RET: variants seen among roughly 807,000 people sequenced by gnomAD.
RET encodes the protein ret proto-oncogene.
In RET, 19 loss-of-function variants were observed where a neutral mutation model predicts 118.3. The ratio of observed to expected loss-of-function variants is 0.16; its 90% CI spans 0.11 to 0.24. The LOEUF is 0.24. Ranked by LOEUF, RET falls within the 10% of genes least tolerant of loss-of-function variation. RET has a pLI of 1.00. For synonymous variants in RET, 597 were observed against 644.1 expected (o/e 0.93, Z 1.11); for missense variants, 1,219 against 1,502.1 (o/e 0.81, Z 3.12).
At chr10:43,113,994 G>C (rs1257180679) in intron 10 of RET, among the ~76,000 whole-genome samples, 1 of 152,218 alleles carries the variant, frequency 6.6e-6, no homozygotes, top group Admixed American at 6.5e-5. Flanking sequence ...AGGTCAGCAG[G>C]TATGGTGGGT....
rs529123820 is a variant in RET, at chr10:43,079,601, C to T, written c.73+2270C>T. The stretch of plus-strand genomic sequence containing the variant: ...CCTGCACCTCAACCTCCCACAGCTC[C>T]TCAGCAAGCCTCTTGTCTCTTGTCT... On this transcript the variant is annotated intron_variant, in intron 1 of 19. Coordinates refer to ENST00000355710, the MANE Select transcript of RET (RefSeq NM_020975.6). Among the ~76,000 whole-genome samples the T allele has an allele frequency of 5.3e-5, 8 of 152,340 alleles. No individual in the cohort carries two copies. The South Asian group carries it at 1.7e-3, about 32-fold the overall frequency.
rs375414982 is a variant in RET at position 43,123,800 on chromosome 10, C to G, written c.2931C>G (p.Ser977Arg). Residue 977 changes from serine to arginine, a missense_variant, in exon 17 of 20, where the codon AGC (serine) becomes AGG (arginine). Around this residue, in one of 5 missense-constraint regions of RET, gnomAD observed 174 missense variants for 179.3 expected, o/e 0.97. Transcript: ENST00000355710. ...GGATGGAGAGGCCAGACAACTGCAGCGAGGAGATGTGAGCGGGGACTGGCT... is the reference window on the plus strand; with the variant it reads ...GGATGGAGAGGCCAGACAACTGCAGGGAGGAGATGTGAGCGGGGACTGGCT... ...GHRMERPDNC[S>R]EEMYRLMLQC... is the part of the protein sequence containing the mutation. 2.3e-5 allele frequency: 37 copies of G among 1,613,906 alleles called. No individual in the cohort carries two copies. Among genetic ancestry groups the G allele is most frequent in the Non-Finnish European group, 2.8e-5 (33 of 1,180,032 alleles).
At chr10:43,077,437 G>A in intron 1 of RET, 106 bp downstream of exon 1, 4 of 1,335,466 alleles carry the variant, frequency 3.0e-6, no homozygotes, top group Admixed American at 3.2e-5. Flanking sequence ...GTGGGCAGCG[G>A]GCTGTGCGGT....
At chr10:43,080,856 G>T (rs572347090) in intron 1 of RET, among the ~76,000 whole-genome samples, 13 of 152,374 alleles carry the variant, frequency 8.5e-5, no homozygotes, top group East Asian at 1.9e-4. Flanking sequence ...TGCTGCCAGT[G>T]GCGGTGCAGA....
intron 11 of RET, 21 bp from the exon 12 acceptor site, chr10:43,116,563 C>T (rs1232905008): frequency 1.2e-6 from 2 of 1,613,760 alleles, no homozygotes; most frequent in East Asian, 4.5e-5. Context: ...TCTTCTCCCC[C>T]TTCCCTCATT....
intron 12 of RET, 112 bp from the exon 13 acceptor site, chr10:43,118,261 G>A (rs1564497962): frequency 1.2e-6 from 1 of 813,800 alleles, no homozygotes; most frequent in African/African-American, 1.7e-5. Context: ...GTCTTTGCAG[G>A]CCTCTCTGTC....
In RET at chr10:43,114,856, G is replaced by A. The variant is rs756878370; in HGVS notation, c.2136+120G>A. On this transcript the variant is annotated intron_variant, in intron 11 of 19. Transcript: ENST00000355710. This position sits in a 1 kb window ranked among gnomAD's most constrained non-coding sequence, Gnocchi z 4.6. ...GGGGCTGCCAACGCTGGGCAGACGA[G>A]GCCTGTGTTCTGCCCCCATTTCCAT... The A allele has an allele frequency of 2.7e-6, 3 of 1,121,092 alleles. No individual in the cohort carries two copies. Among genetic ancestry groups the A allele is most frequent in the South Asian group, 1.6e-5 (1 of 64,342 alleles). The allele number at this position is 1,121,092 out of a possible 1,614,324, so 69.4% of individuals were successfully genotyped here.
chr10:43,099,953 G>C (rs1837601163), intron 1 of RET, among the ~76,000 whole-genome samples: 1 of 152,214 alleles, frequency 6.6e-6, no homozygotes, highest in Admixed American at 6.5e-5. Flanking sequence ...CTTGACTTCT[G>C]TGAATCATCC....
intron 1 of RET, among the ~76,000 whole-genome samples, chr10:43,079,917 C>G (rs933493131): frequency 4.6e-5 from 7 of 152,222 alleles, no homozygotes; most frequent in African/African-American, 1.7e-4. Context: ...TCACCTGGGC[C>G]TGGCTTGCTT....
chr10:43,099,436 G>C (rs372179674), intron 1 of RET, among the ~76,000 whole-genome samples: 1 of 151,926 alleles, frequency 6.6e-6, no homozygotes, highest in Admixed American at 6.6e-5. Context: ...GCTTGAACCC[G>C]GGAGGTGGAA....
At chr10:43,100,829 C>A in intron 2 of RET, 107 bp downstream of exon 2, 2 of 1,276,848 alleles carry the variant, frequency 1.6e-6, no homozygotes, top group Non-Finnish European at 1.1e-6. Flanking sequence ...TCCCCCCCAC[C>A]GCTGGTGTGG....
chr10:43,106,067 TCTGGGGAC>T lies in RET; in HGVS notation c.868-304_868-297del, dbSNP rs1314283804. On this transcript the variant is annotated intron_variant, in intron 4 of 19. Coordinates refer to ENST00000355710, the MANE Select transcript of RET (RefSeq NM_020975.6). This position sits in a 1 kb window ranked among gnomAD's most constrained non-coding sequence, Gnocchi z 5.1. ...GAGAGTGGAGGTGCTCATCCTGCTC[TCTGGGGAC>T]CTGGATGGGACCTGCCAGCAGGGTG... 1.3e-5 allele frequency among the ~76,000 whole-genome samples: 2 copies of T among 152,090 alleles called. No homozygotes were observed. The highest frequency in any genetic ancestry group is 1.3e-4 in the Admixed American group (2 of 15,286).
At chr10:43,100,862 G>T in intron 2 of RET, 140 bp downstream of exon 2, 2 of 923,838 alleles carry the variant, frequency 2.2e-6, no homozygotes, top group Non-Finnish European at 3.4e-6. Context: ...GTTAAGTGAG[G>T]CTGGCCTGCC....
chr10:43,099,761 G>C (rs1199574046), intron 1 of RET, among the ~76,000 whole-genome samples: 1 of 152,174 alleles, frequency 6.6e-6, no homozygotes, highest in Non-Finnish European at 1.5e-5. Flanking sequence ...CATCCGTCCA[G>C]AATCATGCCA....
rs1029548546 is a variant in RET at position 43,106,624 on chromosome 10, C to T, written c.1063+53C>T. On this transcript the variant is annotated intron_variant, in intron 5 of 19. Coordinates refer to ENST00000355710, the MANE Select transcript of RET (RefSeq NM_020975.6). This position sits in a 1 kb window ranked among gnomAD's most constrained non-coding sequence, Gnocchi z 5.1. ...CTAGGCCCCCAGGAAATGAGGTGCT[C>T]GCTCTTCATGGGCAAGCAGCACCCT... is the stretch of plus-strand genomic sequence containing the variant. 3.2e-5 allele frequency: 50 copies of T among 1,565,516 alleles called. No homozygotes were observed. Among genetic ancestry groups the T allele is most frequent in the South Asian group, 6.8e-5 (6 of 87,814 alleles).
At chr10:43,085,388 A>G (rs143403834) in intron 1 of RET, among the ~76,000 whole-genome samples, 3 of 152,286 alleles carry the variant, frequency 2.0e-5, no homozygotes, top group African/African-American at 7.2e-5. Context: ...CCTTTGGACT[A>G]GGCCTTTGTC....
chr10:43,106,857 G>A lies in RET; in HGVS notation c.1063+286G>A, dbSNP rs998006451. Among the ~76,000 whole-genome samples, 2 of 152,164 alleles carry A rather than the reference G, an allele frequency of 1.3e-5. No homozygotes were observed. The highest frequency in any genetic ancestry group is 2.9e-5 in the Non-Finnish European group (2 of 68,022). On this transcript the variant is annotated intron_variant, in intron 5 of 19. Coordinates refer to ENST00000355710, the MANE Select transcript of RET (RefSeq NM_020975.6). The surrounding 1 kb of genome is among the most constrained non-coding windows in gnomAD (Gnocchi z 5.1). ...GCTGACCTCACCAGGGCTCACCACC[G>A]ACTGCAAACACACATGTCACCTGAG... is the stretch of plus-strand genomic sequence containing the variant.
At chr10:43,095,426 G>T (rs1837501430) in intron 1 of RET, among the ~76,000 whole-genome samples, 1 of 152,210 alleles carries the variant, frequency 6.6e-6, no homozygotes, top group South Asian at 2.1e-4. Context: ...GCCTTGTGCT[G>T]CCTGCAAAGT....
At chr10:43,105,250 T>C in intron 4 of RET, 57 bp downstream of exon 4, 2 of 1,609,510 alleles carry the variant, frequency 1.2e-6, no homozygotes, top group Non-Finnish European at 1.7e-6. Flanking sequence ...CACAGTTCGT[T>C]TCTCGGTCGG....
Sources: allele counts gnomAD v4.1 joint callset (sites outside exome capture counted in the v4.1 genomes callset), GRCh38; gene constraint gnomAD v4.1.1; regional missense constraint gnomAD v4.1.1; non-coding constraint Gnocchi (gnomAD v3.1); transcripts MANE v1.5; gene names NCBI Gene and HGNC (gene_info 2026-07-23, HGNC 2026-07-21).